The following ATP13A5 variants were observed in gnomAD, a reference collection of about 807,000 sequenced individuals.
ATP13A5 encodes ATPase 13A5.
A neutral mutation model predicts 150.2 loss-of-function variants in ATP13A5; 149 were observed. That is an observed-to-expected ratio of 0.99 (90% confidence interval 0.87 to 1.14). The LOEUF (loss-of-function observed/expected upper bound fraction) is 1.14. Among genes scored for constraint, ATP13A5 ranks in the 50% most tolerant of loss-of-function variants. The probability of loss-of-function intolerance (pLI) is 0.00; values close to 1 mark genes in which losing one functional copy is unlikely to be tolerated. For missense variants in ATP13A5, 1,383 were observed against 1,449.3 expected (o/e 0.95, Z 0.74); for synonymous variants, 497 against 522.2 (o/e 0.95, Z 0.66).
intron 9 of ATP13A5, among the ~76,000 whole-genome samples, chr3:193,336,753 G>A: frequency 6.6e-6 from 1 of 152,178 alleles, no homozygotes; most frequent in East Asian, 1.9e-4. Flanking sequence ...TATATACCCA[G>A]TAATGGGATG....
chr3:193,344,144 T>G, intron 8 of ATP13A5, 89 bp from the exon 9 acceptor site: 2 of 1,505,598 alleles, frequency 1.3e-6, no homozygotes, highest in South Asian at 2.7e-5. Flanking sequence ...ATCAACCTGT[T>G]GGCCAAGAGC....
At chr3:193,316,765 G>T (rs1332444123) in intron 17 of ATP13A5, among the ~76,000 whole-genome samples, 1 of 151,952 alleles carries the variant, frequency 6.6e-6, no homozygotes, top group Non-Finnish European at 1.5e-5. Flanking sequence ...CCATTTTATA[G>T]GTTGCTATTT....
Position 193,364,124 on chromosome 3 carries a change from C to G in ATP13A5, c.220G>C (p.Val74Leu), listed in dbSNP as rs763879965. Reference sequence around the variant, plus strand: ...GCACGCACTGTTGTCCTCAGCAAAACAGTGTCTGCTTCTTGCAAGGGGCAT... The same window carrying G: ...GCACGCACTGTTGTCCTCAGCAAAAGAGTGTCTGCTTCTTGCAAGGGGCAT... ...IPCPLQEADT[V>L]LLRTTDEFQR... The change falls in exon 2 of 30, where the codon GTT becomes CTT. Residue 74 changes from valine (V) to leucine (L), a missense_variant. Val to Leu is a conservative substitution (Grantham distance 32). Coordinates refer to ENST00000342358, the MANE Select transcript of ATP13A5 (RefSeq NM_198505.4). 5 of 1,614,008 alleles carry G rather than the reference C, an allele frequency of 3.1e-6. No homozygotes were observed. Among genetic ancestry groups the G allele is most frequent in the Middle Eastern group, 3.3e-4 (2 of 6,054 alleles).
intron 9 of ATP13A5, among the ~76,000 whole-genome samples, chr3:193,336,948 G>A (rs1249977953): frequency 1.3e-5 from 2 of 151,800 alleles, no homozygotes; most frequent in African/African-American, 2.4e-5. Context: ...GTGAGATGGT[G>A]TCTCATTGTG....
intron 9 of ATP13A5, among the ~76,000 whole-genome samples, chr3:193,341,171 CCCT>C (rs376299951): frequency 0.019 from 2,311 of 120,608 alleles, 25 homozygotes; most frequent in African/African-American, 0.039. Context: ...TATTCCCCCC[CCCT>C]CCCAAATGAT....
chr3:193,296,456 G>A (rs189344230), intron 25 of ATP13A5, among the ~76,000 whole-genome samples: 2 of 152,196 alleles, frequency 1.3e-5, no homozygotes, highest in East Asian at 3.9e-4. Flanking sequence ...TTTCCCCGTT[G>A]CTTGTTTTTG....
intron 26 of ATP13A5, among the ~76,000 whole-genome samples, chr3:193,288,153 C>G (rs1039915450): frequency 2.0e-5 from 3 of 152,114 alleles, no homozygotes; most frequent in Non-Finnish European, 4.4e-5. Context: ...GAATCTGCTC[C>G]TGGTGAAGAT....
intron 5 of ATP13A5, among the ~76,000 whole-genome samples, chr3:193,356,728 C>A (rs1219840853): frequency 6.6e-6 from 1 of 152,196 alleles, no homozygotes; most frequent in African/African-American, 2.4e-5. Context: ...TTAGCAACAG[C>A]ACTTACATCA....
intron 23 of ATP13A5, among the ~76,000 whole-genome samples, chr3:193,303,960 ACT>A (rs763455392): frequency 4.6e-5 from 7 of 151,918 alleles, no homozygotes; most frequent in African/African-American, 9.7e-5. Context: ...CGGGGGCAAG[ACT>A]CTCTCATTCT....
At chr3:193,362,755 TTCTTTC>T in intron 3 of ATP13A5, 118 bp from the exon 4 acceptor site, 1 of 75,114 alleles carries the variant, frequency 1.3e-5, no homozygotes. Context: ...CTTTCCTTCT[TTCTTTC>T]TTTCTTTCTT....
intron 16 of ATP13A5, among the ~76,000 whole-genome samples, chr3:193,319,328 G>A (rs995135743): frequency 3.9e-5 from 6 of 152,210 alleles, no homozygotes; most frequent in African/African-American, 7.2e-5. Flanking sequence ...CATTTACTGC[G>A]TTATGGATGG....
chr3:193,337,281 C>T (rs930367168), intron 9 of ATP13A5, among the ~76,000 whole-genome samples: 15 of 152,206 alleles, frequency 9.9e-5, no homozygotes, highest in African/African-American at 2.9e-4. Flanking sequence ...GTTGCCATTG[C>T]TTTTGGTGTT....
intron 1 of ATP13A5, among the ~76,000 whole-genome samples, chr3:193,367,297 C>A (rs1395799481): frequency 6.6e-6 from 1 of 151,970 alleles, no homozygotes. Flanking sequence ...ATAAACTCAT[C>A]AATAAATACG....
In ATP13A5 at chr3:193,321,722, C is replaced by T. The variant is rs1352280857; in HGVS notation, c.1874G>A (p.Gly625Asp). Residue 625 changes from glycine (G) to aspartate (D), a missense_variant, in exon 16 of 30, where the codon GGT becomes GAT. Gly to Asp is a moderately conservative substitution (Grantham distance 94). Around this residue, in one of 3 missense-constraint regions of ATP13A5, gnomAD observed 787 missense variants for 771.9 expected, o/e 1.02. Coordinates refer to ENST00000342358, the MANE Select transcript of ATP13A5 (RefSeq NM_198505.4). ...GENHFHVYMK[G>D]APEMVARFCR... ...GAACCTGGCCACCATTTCTGGGGCA[C>T]CTTTCATGTAGACATGGAAATGATT... The T allele has an allele frequency of 9.9e-6, 16 of 1,614,120 alleles. No homozygotes were observed. Among genetic ancestry groups the T allele is most frequent in the Middle Eastern group, 1.7e-4 (1 of 6,058 alleles).
At chr3:193,275,339 G>A (rs768062170) in intron 29 of ATP13A5, 37 bp from the exon 30 acceptor site, 52 of 1,602,642 alleles carry the variant, frequency 3.2e-5, no homozygotes, top group African/African-American at 1.2e-4. Context: ...AATTTATTGC[G>A]CAGGTCCCCC....
intron 25 of ATP13A5, among the ~76,000 whole-genome samples, chr3:193,294,951 G>A (rs1577330587): frequency 6.6e-6 from 1 of 152,110 alleles, no homozygotes; most frequent in South Asian, 2.1e-4. Context: ...GCTGCAGCGT[G>A]CTGCCACTGC....
intron 25 of ATP13A5, among the ~76,000 whole-genome samples, chr3:193,297,347 C>T (rs1718214034): frequency 6.6e-6 from 1 of 152,066 alleles, no homozygotes; most frequent in Admixed American, 6.5e-5. Flanking sequence ...AATACCTGGA[C>T]TTTTCATGTC....
Position 193,369,892 on chromosome 3 carries a change from A to C in ATP13A5, c.64-5612T>G, listed in dbSNP as rs537042423. Among the ~76,000 whole-genome samples the C allele has an allele frequency of 1.4e-4, 21 of 152,326 alleles. 1 individual carries two copies. The South Asian group carries it at 4.1e-3, about 30-fold the overall frequency. On this transcript the variant is annotated intron_variant, in intron 1 of 29. Transcript: ENST00000342358. Reference sequence around the variant, plus strand: ...AAGGTGTTGAGAGAAAAAGCAGCTCAGTCAATGATAACAGGTGATTTTATA... The same window carrying C: ...AAGGTGTTGAGAGAAAAAGCAGCTCCGTCAATGATAACAGGTGATTTTATA...
chr3:193,346,647 T>C (rs1317998162), intron 7 of ATP13A5, among the ~76,000 whole-genome samples: 1 of 152,224 alleles, frequency 6.6e-6, no homozygotes, highest in East Asian at 1.9e-4. Context: ...TGATATTTAA[T>C]GTTACAAATG....
Sources: gnomAD v4.1 joint callset for allele counts (sites outside exome capture counted in the v4.1 genomes callset) on GRCh38, gnomAD v4.1.1 for gene constraint, gnomAD v4.1.1 regional missense constraint, MANE v1.5 for transcripts, NCBI Gene and HGNC (gene_info 2026-07-23, HGNC 2026-07-21) for gene names.